The following PTBP2 variants were observed in gnomAD, a reference collection of about 807,000 sequenced individuals.
PTBP2 encodes the protein polypyrimidine tract binding protein 2, also known as polypyrimidine tract-binding protein 2.
PTBP2 carries 13 observed loss-of-function variants against 61.4 expected under a neutral mutation model. The observed-to-expected ratio is 0.21, with a 90% CI of 0.14 to 0.34. PTBP2 has a LOEUF of 0.34. PTBP2 is among the 10% of genes least tolerant of loss of function. PTBP2 has a pLI of 1.00. For missense variants in PTBP2, 405 were observed against 642.6 expected (o/e 0.63, Z 4.00); for synonymous variants, 215 against 218.5 (o/e 0.98, Z 0.14).
At chr1:96,808,703 A>G (rs1661735549) in intron 11 of PTBP2, among the ~76,000 whole-genome samples, 1 of 152,122 alleles carries the variant, frequency 6.6e-6, no homozygotes, top group African/African-American at 2.4e-5. Flanking sequence ...GTAGTGGTAA[A>G]TAATTCATCA....
At chr1:96,752,413 A>G (rs1654663091) in intron 3 of PTBP2, among the ~76,000 whole-genome samples, 1 of 152,174 alleles carries the variant, frequency 6.6e-6, no homozygotes, top group African/African-American at 2.4e-5. Flanking sequence ...TGCTTAATGT[A>G]TACATACATC....
intron 11 of PTBP2, among the ~76,000 whole-genome samples, chr1:96,809,541 CT>C (rs1661836199): frequency 6.6e-6 from 1 of 152,138 alleles, no homozygotes; most frequent in African/African-American, 2.4e-5. Context: ...GAGCCAGTGT[CT>C]TGCTCTGTCC....
At chr1:96,803,660 A>C (rs1007996509) in intron 8 of PTBP2, among the ~76,000 whole-genome samples, 2 of 152,190 alleles carry the variant, frequency 1.3e-5, no homozygotes, top group Non-Finnish European at 2.9e-5. Flanking sequence ...TAAAGTCAAA[A>C]GATCAAAAAC....
chr1:96,753,441 T>C (rs1654808617), intron 3 of PTBP2, among the ~76,000 whole-genome samples: 1 of 152,068 alleles, frequency 6.6e-6, no homozygotes, highest in Non-Finnish European at 1.5e-5. Context: ...CAGTAACTGA[T>C]GAAGGATTAA....
chr1:96,807,226 C>A (rs1409439540), intron 11 of PTBP2, among the ~76,000 whole-genome samples: 1 of 152,118 alleles, frequency 6.6e-6, no homozygotes, highest in African/African-American at 2.4e-5. Flanking sequence ...AGAATTATAT[C>A]ATTTATATTG....
intron 2 of PTBP2, among the ~76,000 whole-genome samples, chr1:96,747,907 T>C (rs1654055634): frequency 6.6e-6 from 1 of 152,130 alleles, no homozygotes; most frequent in South Asian, 2.1e-4. Context: ...TAAAGTCAGC[T>C]TTTGATTTTA....
chr1:96,767,478 A>T (rs1321602215), intron 3 of PTBP2, among the ~76,000 whole-genome samples: 1 of 152,084 alleles, frequency 6.6e-6, no homozygotes, highest in African/African-American at 2.4e-5. Flanking sequence ...ACTATAACAC[A>T]TGGGGCTTTA....
intron 2 of PTBP2, among the ~76,000 whole-genome samples, chr1:96,736,477 A>G (rs1020376864): frequency 6.6e-6 from 1 of 152,188 alleles, no homozygotes; most frequent in African/African-American, 2.4e-5. Flanking sequence ...CAGTTACAGT[A>G]GCTACTAGTC....
At chr1:96,762,059 A>T (rs552791752) in intron 3 of PTBP2, among the ~76,000 whole-genome samples, 55 of 151,010 alleles carry the variant, frequency 3.6e-4, no homozygotes, top group African/African-American at 1.3e-3. Context: ...GTTGGGGGTA[A>T]GGTCACAGAT....
At chr1:96,790,642 A>C (rs566346081) in intron 8 of PTBP2, among the ~76,000 whole-genome samples, 1 of 152,286 alleles carries the variant, frequency 6.6e-6, no homozygotes, top group South Asian at 2.1e-4. Context: ...TTTGTTTGCT[A>C]ATTTTAAGTT....
At chr1:96,810,422 C>G (rs1192122504) in intron 11 of PTBP2, among the ~76,000 whole-genome samples, 4 of 152,070 alleles carry the variant, frequency 2.6e-5, no homozygotes, top group African/African-American at 9.7e-5. Flanking sequence ...TTTTGGTATT[C>G]TAATTATCAT....
chr1:96,795,081 G>A (rs778218121), intron 8 of PTBP2, among the ~76,000 whole-genome samples: 1 of 152,126 alleles, frequency 6.6e-6, no homozygotes, highest in Non-Finnish European at 1.5e-5. Flanking sequence ...CTTTTTTCAG[G>A]TTATGAAAGC....
intron 2 of PTBP2, among the ~76,000 whole-genome samples, chr1:96,737,781 G>A (rs1273533579): frequency 1.3e-5 from 2 of 152,172 alleles, no homozygotes; most frequent in African/African-American, 4.8e-5. Context: ...GAGGACCTTT[G>A]AAAATTGAAC....
At chr1:96,770,904 C>A in intron 5 of PTBP2, 53 bp downstream of exon 5, 2 of 1,424,584 alleles carry the variant, frequency 1.4e-6, no homozygotes, top group South Asian at 2.4e-5. Context: ...TTATGAATCT[C>A]ATAAACATTA....
chr1:96,763,030 GA>G (rs1265514821), intron 3 of PTBP2, among the ~76,000 whole-genome samples: 1 of 151,688 alleles, frequency 6.6e-6, no homozygotes, highest in Non-Finnish European at 1.5e-5. Context: ...TGGCGGCCGG[GA>G]AGAGGCGCTC....
intron 2 of PTBP2, among the ~76,000 whole-genome samples, chr1:96,724,078 G>C (rs1650028376): frequency 1.3e-5 from 2 of 152,134 alleles, no homozygotes; most frequent in South Asian, 4.1e-4. Flanking sequence ...CTTCAAATTT[G>C]AATTAGAAGT....
At chr1:96,722,089 C>T (rs1649653210) in intron 1 of PTBP2, among the ~76,000 whole-genome samples, 1 of 152,062 alleles carries the variant, frequency 6.6e-6, no homozygotes, top group Non-Finnish European at 1.5e-5. Flanking sequence ...GCTGGGGAGG[C>T]ATAGGGGCGA....
intron 2 of PTBP2, among the ~76,000 whole-genome samples, chr1:96,730,021 C>G (rs911179028): frequency 6.6e-6 from 1 of 152,132 alleles, no homozygotes; most frequent in African/African-American, 2.4e-5. Flanking sequence ...GCCACTGCGC[C>G]CAGCCATGAT....
At position 96,772,706 on chromosome 1, in the gene PTBP2, A is replaced by T. The variant is rs375518473; in HGVS notation, c.432+1855A>T. ...TTTGTTTGACTTATTCACTTAGCAC[A>T]CACAGTGTCCTCTTAAAATGACATT... On this transcript the variant is annotated intron_variant, in intron 5 of 13. Transcript: ENST00000674951. Among the ~76,000 whole-genome samples, 377 of 152,326 alleles carry T rather than the reference A, an allele frequency of 2.5e-3. 2 individuals carry two copies. Among genetic ancestry groups the T allele is most frequent in the African/African-American group, 8.4e-3 (350 of 41,576 alleles).
Sources: gnomAD v4.1 joint callset for allele counts (sites outside exome capture counted in the v4.1 genomes callset) on GRCh38, gnomAD v4.1.1 for gene constraint, MANE v1.5 for transcripts, NCBI Gene and HGNC (gene_info 2026-07-23, HGNC 2026-07-21) for gene names.